The following NMD3 variants were observed in gnomAD, a reference collection of about 807,000 sequenced individuals.
The protein encoded by NMD3 is 60S ribosomal export protein NMD3.
A neutral mutation model predicts 73.1 loss-of-function variants in NMD3; 47 were observed. The observed-to-expected ratio is 0.64, with a 90% CI of 0.51 to 0.82. NMD3 has a LOEUF of 0.82. Ranked by LOEUF, NMD3 falls within the 40% of genes least tolerant of loss-of-function variation. NMD3 has a pLI of 0.00. For synonymous variants in NMD3, 210 were observed against 194.5 expected, an observed-to-expected ratio of 1.08 and a Z score of -0.66; for missense variants, 554 against 612.5, an observed-to-expected ratio of 0.90 and a Z score of 1.01.
intron 1 of NMD3, 50 bp from the exon 2 acceptor site, chr3:161,221,944 A>AATCCCAAC (rs148371722): frequency 0.45 from 485,232 of 1,072,260 alleles, 132,739 homozygotes; most frequent in East Asian, 0.77. Flanking sequence ...AAGTGATTTA[A>AATCCCAAC]ATCCCAACAT....
intron 4 of NMD3, among the ~76,000 whole-genome samples, chr3:161,232,545 G>T (rs997886816): frequency 6.6e-6 from 1 of 152,140 alleles, no homozygotes; most frequent in African/African-American, 2.4e-5. Flanking sequence ...TTCGGTATAG[G>T]TAGTCACAAA....
intron 4 of NMD3, among the ~76,000 whole-genome samples, chr3:161,230,209 C>T (rs1736479666): frequency 6.6e-6 from 1 of 152,152 alleles, no homozygotes; most frequent in African/African-American, 2.4e-5. Flanking sequence ...GGTGATCCTT[C>T]TGCCTCAGCC....
At chr3:161,237,773 C>G (rs1447697691) in intron 7 of NMD3, among the ~76,000 whole-genome samples, 1 of 151,906 alleles carries the variant, frequency 6.6e-6, no homozygotes, top group Non-Finnish European at 1.5e-5. Flanking sequence ...CATGATCCAC[C>G]CAGCTCAGCC....
chr3:161,225,125 A>C (rs1736265450), intron 3 of NMD3, 61 bp downstream of exon 3: 1 of 1,516,412 alleles, frequency 6.6e-7, no homozygotes, highest in African/African-American at 1.4e-5. Context: ...AGAACCACCG[A>C]GATATGCTGA....
intron 2 of NMD3, among the ~76,000 whole-genome samples, chr3:161,224,677 G>T (rs1736237821): frequency 6.6e-6 from 1 of 151,754 alleles, no homozygotes; most frequent in South Asian, 2.1e-4. Flanking sequence ...AGTAGAGATG[G>T]GGTTTCACCA....
chr3:161,238,959 T>C (rs1041393622), intron 9 of NMD3, 133 bp downstream of exon 9: 12 of 506,850 alleles, frequency 2.4e-5, no homozygotes, highest in Admixed American at 7.7e-5. Flanking sequence ...AAGTGACTTC[T>C]AACACATTCA....
chr3:161,228,015 G>A (rs1415860179), intron 4 of NMD3, among the ~76,000 whole-genome samples: 1 of 151,862 alleles, frequency 6.6e-6, no homozygotes, highest in Non-Finnish European at 1.5e-5. Flanking sequence ...TATTGATCTG[G>A]AAATAAAATA....
At chr3:161,230,120 A>G (rs1182410437) in intron 4 of NMD3, among the ~76,000 whole-genome samples, 2 of 152,030 alleles carry the variant, frequency 1.3e-5, no homozygotes, top group South Asian at 2.1e-4. Flanking sequence ...TTTTTTGGAG[A>G]TAAGGTCTTG....
intron 7 of NMD3, among the ~76,000 whole-genome samples, chr3:161,237,905 G>A (rs115190960): frequency 0.024 from 3,588 of 152,106 alleles, 63 homozygotes; most frequent in African/African-American, 0.025. Context: ...TTAGAATTAC[G>A]AGTTTTATTT....
At chr3:161,245,649 C>T (rs560742078) in intron 11 of NMD3, among the ~76,000 whole-genome samples, 1 of 151,648 alleles carries the variant, frequency 6.6e-6, no homozygotes, top group African/African-American at 2.4e-5. Context: ...ATTTTTCTCT[C>T]GATCTCACTT....
rs1737480743 is a variant in NMD3, at chr3:161,251,366, T to A, written c.*456T>A. Reference sequence around the variant, plus strand: ...TAACTTGTTACATACTTTGATCCACTTTACATCATTTTTATGTTGTTGAGG... The same window carrying A: ...TAACTTGTTACATACTTTGATCCACATTACATCATTTTTATGTTGTTGAGG... On this transcript the variant is annotated 3_prime_UTR_variant, in exon 16 of 16. Transcript: ENST00000351193. The A allele has an allele frequency of 6.6e-6, 1 of 152,220 alleles. No individual in the cohort carries two copies. Among genetic ancestry groups the A allele is most frequent in the South Asian group, 2.1e-4 (1 of 4,824 alleles). The allele number at this position is 152,220 out of a possible 1,614,324, so 9.4% of individuals were successfully genotyped here. A position where few individuals can be genotyped will look rare whatever the true frequency, so the allele number is the denominator to read the frequency against.
chr3:161,248,303 A>G lies in NMD3; in HGVS notation c.1203+973A>G, dbSNP rs1008922359. Among the ~76,000 whole-genome samples the G allele has an allele frequency of 2.6e-5, 4 of 151,856 alleles. No homozygotes were observed. In the East Asian group the frequency reaches 5.9e-4, roughly 22 times the overall value. On this transcript the variant is annotated intron_variant, in intron 13 of 15. Transcript: ENST00000351193. ...TTAGGAGTTCGAGACCAGCCTGGAAAACACAGTGAAACCCCATCTTTACTA... is the reference window on the plus strand; with the variant it reads ...TTAGGAGTTCGAGACCAGCCTGGAAGACACAGTGAAACCCCATCTTTACTA...
chr3:161,242,548 C>T lies in NMD3; in HGVS notation c.912C>T (p.Phe304=). 6.2e-7 allele frequency: 1 copy of T among 1,613,484 alleles called. No individual in the cohort carries two copies. Among genetic ancestry groups the T allele is most frequent in the Non-Finnish European group, 8.5e-7 (1 of 1,179,618 alleles). The change falls in exon 11 of 16, where the codon TTC becomes TTT. Residue 304 remains phenylalanine (F), a synonymous_variant. Transcript: ENST00000351193. ...GGAGCACTTTCTGGAGTCACCCTTT[C>T]AATAGTTTATGTCATCCCAAACAGC... ...IDGSTFWSHP[F]NSLCHPKQLE... is the part of the protein sequence containing the mutation.
In NMD3 at chr3:161,241,128, G is replaced by T. The variant is rs147544052; in HGVS notation, c.836G>T (p.Ser279Ile). 21 of 1,612,664 alleles carry T rather than the reference G, an allele frequency of 1.3e-5. No individual in the cohort carries two copies. Among genetic ancestry groups the T allele is most frequent in the Non-Finnish European group, 1.6e-5 (19 of 1,179,048 alleles). The change falls in exon 10 of 16, where the codon AGT (serine) becomes ATT (isoleucine). Residue 279 changes from serine to isoleucine, a missense_variant. Transcript: ENST00000351193. Reference sequence around the variant, plus strand: ...ATTTGTGTGTGTATTCGAGTAACCAGTGCCATTCACCTCATTGATCCAAAC... The same window carrying T: ...ATTTGTGTGTGTATTCGAGTAACCATTGCCATTCACCTCATTGATCCAAAC... Reference protein sequence around the residue: ...NQICVCIRVTSAIHLIDPNTL... With the variant: ...NQICVCIRVTIAIHLIDPNTL...
chr3:161,243,366 G>A (rs1370946423), intron 11 of NMD3, among the ~76,000 whole-genome samples: 1 of 152,122 alleles, frequency 6.6e-6, no homozygotes, highest in Non-Finnish European at 1.5e-5. Context: ...TTTGGATAGC[G>A]ATTAACTGTG....
intron 4 of NMD3, among the ~76,000 whole-genome samples, chr3:161,231,064 G>A (rs766545551): frequency 1.3e-5 from 2 of 152,196 alleles, no homozygotes; most frequent in Admixed American, 6.5e-5. Flanking sequence ...CATAGAGCAG[G>A]CAGAGCACTG....
chr3:161,247,293 A>T lies in NMD3; in HGVS notation c.1166A>T (p.His389Leu). 1 of 1,612,284 alleles carries T rather than the reference A, an allele frequency of 6.2e-7. No individual in the cohort carries two copies. The highest frequency in any genetic ancestry group is 8.5e-7 in the Non-Finnish European group (1 of 1,178,576). The change falls in exon 13 of 16, where the codon CAT (histidine) becomes CTT (leucine). Residue 389 changes from histidine to leucine, a missense_variant. Coordinates refer to ENST00000351193, the MANE Select transcript of NMD3 (RefSeq NM_015938.5). ...DLANCNLNDE[H>L]VNKMNSDRVP... ...GCCAACTGTAACTTAAATGATGAGC[A>T]TGTCAACAAAATGAACTCAGATAGA...
chr3:161,227,175 C>A, intron 3 of NMD3, 72 bp from the exon 4 acceptor site: 1 of 898,726 alleles, frequency 1.1e-6, no homozygotes, highest in Non-Finnish European at 1.8e-6. Flanking sequence ...TGGGTTATAT[C>A]TGTGTATTCA....
chr3:161,247,294 T>C lies in NMD3; in HGVS notation c.1167T>C (p.His389=). The part of the protein sequence containing the change: ...DLANCNLNDE[H]VNKMNSDRVP... ...CCAACTGTAACTTAAATGATGAGCA[T>C]GTCAACAAAATGAACTCAGATAGAG... The change falls in exon 13 of 16, where the codon CAT becomes CAC. Residue 389 remains histidine (H), a synonymous_variant. Transcript: ENST00000351193. 6.2e-7 allele frequency: 1 copy of C among 1,612,374 alleles called. No homozygotes were observed. Among genetic ancestry groups the C allele is most frequent in the Non-Finnish European group, 8.5e-7 (1 of 1,178,674 alleles).
Sources: gnomAD v4.1 joint callset for allele counts (sites outside exome capture counted in the v4.1 genomes callset) on GRCh38, gnomAD v4.1.1 for gene constraint, MANE v1.5 for transcripts, NCBI Gene and HGNC (gene_info 2026-07-23, HGNC 2026-07-21) for gene names.